The following DLGAP2 variants were observed in gnomAD, a reference collection of about 807,000 sequenced individuals.
The protein encoded by DLGAP2 is DLG associated protein 2.
A neutral mutation model predicts 100.3 loss-of-function variants in DLGAP2; 26 were observed. That is an observed-to-expected ratio of 0.26 (90% CI 0.19 to 0.36). The LOEUF (loss-of-function observed/expected upper bound fraction) is 0.36. Among genes scored for constraint, DLGAP2 ranks in the 10% least tolerant of loss-of-function variants. The probability of loss-of-function intolerance (pLI) is 1.00; values close to 1 mark genes in which losing one functional copy is unlikely to be tolerated. For missense variants in DLGAP2, 1,858 were observed against 1,453.2 expected (o/e 1.28, Z -4.53); for synonymous variants, 886 against 630.1 (o/e 1.41, Z -6.08).
At chr8:1,123,435 C>T (rs1210874065) in intron 2 of DLGAP2, among the ~76,000 whole-genome samples, 3 of 152,170 alleles carry the variant, frequency 2.0e-5, no homozygotes, top group African/African-American at 7.2e-5. Context: ...AGTCCATGCC[C>T]ATTGTTTTCC....
At chr8:841,838 A>G (rs533762779) in intron 1 of DLGAP2, among the ~76,000 whole-genome samples, 1 of 152,296 alleles carries the variant, frequency 6.6e-6, no homozygotes, top group African/African-American at 2.4e-5. Context: ...TACTATGGCT[A>G]TTTCATATCA....
intron 2 of DLGAP2, among the ~76,000 whole-genome samples, chr8:1,238,241 T>C (rs1437998798): frequency 1.8e-3 from 70 of 39,824 alleles, no homozygotes; most frequent in African/African-American, 2.7e-3. Context: ...TCTCACATGG[T>C]GCCATGTCTA....
chr8:1,106,597 G>A (rs192957075), intron 2 of DLGAP2, among the ~76,000 whole-genome samples: 1 of 149,372 alleles, frequency 6.7e-6, no homozygotes, highest in African/African-American at 2.5e-5. Context: ...GTTTTCTGCT[G>A]AAGGAAGCCA....
At chr8:1,637,126 C>T (rs1797785542) in intron 8 of DLGAP2, among the ~76,000 whole-genome samples, 1 of 152,200 alleles carries the variant, frequency 6.6e-6, no homozygotes, top group African/African-American at 2.4e-5. Flanking sequence ...GTGCAGTGTG[C>T]AGCCTTTCCA....
At chr8:818,790 G>C (rs1027415845) in intron 1 of DLGAP2, among the ~76,000 whole-genome samples, 1 of 152,166 alleles carries the variant, frequency 6.6e-6, no homozygotes, top group Admixed American at 6.5e-5. Context: ...GAATCATAAA[G>C]TTAGAAGAAA....
intron 2 of DLGAP2, among the ~76,000 whole-genome samples, chr8:1,149,916 C>A (rs1563217073): frequency 1.3e-5 from 2 of 152,174 alleles, no homozygotes; most frequent in Admixed American, 1.3e-4. Context: ...ATGCCAAGAC[C>A]CTGGAACCTT....
intron 3 of DLGAP2, among the ~76,000 whole-genome samples, chr8:1,420,824 T>TA (rs1261117619): frequency 6.6e-6 from 1 of 152,184 alleles, no homozygotes; most frequent in Non-Finnish European, 1.5e-5. Context: ...GATTTAGACC[T>TA]ATTGGTGCCA....
intron 2 of DLGAP2, among the ~76,000 whole-genome samples, chr8:920,005 C>T (rs972470320): frequency 1.3e-5 from 2 of 152,224 alleles, no homozygotes; most frequent in Non-Finnish European, 2.9e-5. Context: ...TCCTGGAGCT[C>T]ATGCCCAGCA....
chr8:1,278,121 G>T (rs1387291882), intron 3 of DLGAP2, among the ~76,000 whole-genome samples: 1 of 152,166 alleles, frequency 6.6e-6, no homozygotes, highest in Non-Finnish European at 1.5e-5. Context: ...GCCAGGTCAG[G>T]TGAGGGAGTG....
At chr8:1,005,402 CTTG>C in intron 2 of DLGAP2, among the ~76,000 whole-genome samples, 1 of 113,594 alleles carries the variant, frequency 8.8e-6, no homozygotes, top group Non-Finnish European at 1.8e-5. Flanking sequence ...AACAACTCCA[CTTG>C]TTTTTTTTTT....
intron 2 of DLGAP2, among the ~76,000 whole-genome samples, chr8:1,031,635 C>G (rs1411057616): frequency 1.3e-5 from 2 of 152,074 alleles, no homozygotes; most frequent in Non-Finnish European, 2.9e-5. Context: ...GGTTGTGAAA[C>G]TTCTTGCACT....
intron 3 of DLGAP2, among the ~76,000 whole-genome samples, chr8:1,372,614 T>G (rs765822757): frequency 2.0e-5 from 3 of 152,168 alleles, no homozygotes; most frequent in Non-Finnish European, 4.4e-5. Context: ...TGCAAAGACT[T>G]TAAGCCGCTC....
At chr8:1,276,990 C>T (rs1205558102) in intron 3 of DLGAP2, among the ~76,000 whole-genome samples, 1 of 152,040 alleles carries the variant, frequency 6.6e-6, no homozygotes, top group African/African-American at 2.4e-5. Context: ...GCATATTATT[C>T]CATTTTGTGG....
At chr8:984,750 A>C (rs548886364) in intron 2 of DLGAP2, among the ~76,000 whole-genome samples, 1 of 152,266 alleles carries the variant, frequency 6.6e-6, no homozygotes, top group South Asian at 2.1e-4. Context: ...TTACATTTTT[A>C]ATTATTTAGA....
intron 1 of DLGAP2, chr8:822,007 A>G (rs2132687088): frequency 2.5e-6 from 1 of 397,120 alleles, no homozygotes; most frequent in Non-Finnish European, 4.4e-6. Flanking sequence ...TCACTTTTTA[A>G]TGTACATTCC....
chr8:1,631,196 C>T (rs1797635905), intron 7 of DLGAP2, among the ~76,000 whole-genome samples: 1 of 152,060 alleles, frequency 6.6e-6, no homozygotes, highest in African/African-American at 2.4e-5. Flanking sequence ...AGGCTTGTAG[C>T]TGGAAGCATA....
chr8:1,532,512 A>C (rs573571816), intron 4 of DLGAP2, among the ~76,000 whole-genome samples: 1 of 152,200 alleles, frequency 6.6e-6, no homozygotes. Flanking sequence ...ACCTACCCAA[A>C]GGATGGAAAC....
At chr8:1,158,465 C>T (rs919188021) in intron 2 of DLGAP2, among the ~76,000 whole-genome samples, 1 of 152,186 alleles carries the variant, frequency 6.6e-6, no homozygotes, top group African/African-American at 2.4e-5. Context: ...TGTCACTATA[C>T]CTTGGATCAT....
chr8:1,146,445 C>T (rs540093870), intron 2 of DLGAP2, among the ~76,000 whole-genome samples: 23 of 152,290 alleles, frequency 1.5e-4, no homozygotes, highest in African/African-American at 5.3e-4. Context: ...ATCAGAGGTT[C>T]TTACATGTAA....
Sources: gnomAD v4.1 joint callset for allele counts (sites outside exome capture counted in the v4.1 genomes callset) on GRCh38, gnomAD v4.1.1 for gene constraint, MANE v1.5 for transcripts, NCBI Gene and HGNC (gene_info 2026-07-23, HGNC 2026-07-21) for gene names.